The following SGCZ variants were observed in gnomAD, a reference collection of about 807,000 sequenced individuals.
The protein encoded by SGCZ is zeta-sarcoglycan.
In SGCZ, 40 loss-of-function variants were observed where a neutral mutation model predicts 41.3. That is an observed-to-expected ratio of 0.97 (90% CI 0.75 to 1.26). SGCZ has a LOEUF of 1.26. SGCZ is among the 50% of genes most tolerant of loss of function. The pLI is 0.00. For missense variants in SGCZ, 552 were observed against 369.8 expected, an observed-to-expected ratio of 1.49 and a Z score of -4.04; for synonymous variants, 206 against 137.5, an observed-to-expected ratio of 1.50 and a Z score of -3.49.
At chr8:14,251,096 T>C (rs1308524685) in intron 3 of SGCZ, among the ~76,000 whole-genome samples, 1 of 152,008 alleles carries the variant, frequency 6.6e-6, no homozygotes, top group Non-Finnish European at 1.5e-5. Context: ...GGTGCAGTGG[T>C]ACGCACCTTT....
At chr8:14,953,039 T>C (rs1382392977) in intron 1 of SGCZ, among the ~76,000 whole-genome samples, 1 of 152,110 alleles carries the variant, frequency 6.6e-6, no homozygotes, top group Non-Finnish European at 1.5e-5. Context: ...TGAATAAGCA[T>C]AGGCATACAC....
intron 1 of SGCZ, among the ~76,000 whole-genome samples, chr8:14,769,179 G>A (rs189026545): frequency 3.3e-5 from 5 of 152,140 alleles, no homozygotes; most frequent in Admixed American, 1.3e-4. Flanking sequence ...AAAACAGATG[G>A]AGAAAGACAA....
At chr8:15,173,780 C>T (rs573102972) in intron 1 of SGCZ, among the ~76,000 whole-genome samples, 2 of 152,236 alleles carry the variant, frequency 1.3e-5, no homozygotes, top group East Asian at 3.9e-4. Context: ...AGAGACACCA[C>T]CCAGGCTGAA....
intron 1 of SGCZ, among the ~76,000 whole-genome samples, chr8:14,621,295 G>A (rs56662221): frequency 8.9e-6 from 1 of 112,184 alleles, no homozygotes; most frequent in Admixed American, 1.2e-4. Context: ...TGTGGGGTGG[G>A]GGGAGGGGGG....
At chr8:14,395,422 G>C (rs1466885347) in intron 2 of SGCZ, among the ~76,000 whole-genome samples, 2 of 152,128 alleles carry the variant, frequency 1.3e-5, no homozygotes, top group Non-Finnish European at 2.9e-5. Context: ...GATTTAAAAA[G>C]AGACTATTGC....
chr8:14,462,744 T>C (rs1043431239), intron 2 of SGCZ, among the ~76,000 whole-genome samples: 6 of 151,764 alleles, frequency 4.0e-5, no homozygotes, highest in Non-Finnish European at 8.9e-5. Context: ...TTGTTTTCTA[T>C]TTATGCAAGA....
intron 1 of SGCZ, among the ~76,000 whole-genome samples, chr8:14,632,932 T>A (rs1585140787): frequency 6.6e-6 from 1 of 151,976 alleles, no homozygotes; most frequent in Non-Finnish European, 1.5e-5. Flanking sequence ...CAAACAGTGA[T>A]TCAATAATAA....
chr8:14,849,456 T>C (rs909499694), intron 1 of SGCZ, among the ~76,000 whole-genome samples: 4 of 152,134 alleles, frequency 2.6e-5, no homozygotes, highest in African/African-American at 9.7e-5. Flanking sequence ...TAGAATGGAA[T>C]ACTACTCATC....
chr8:15,236,993 A>C (rs1269395302), intron 1 of SGCZ, among the ~76,000 whole-genome samples: 1 of 152,142 alleles, frequency 6.6e-6, no homozygotes, highest in Non-Finnish European at 1.5e-5. Flanking sequence ...GTACCTCTCC[A>C]GCCCCTGCAC....
At chr8:14,584,322 G>T (rs1804990176) in intron 1 of SGCZ, among the ~76,000 whole-genome samples, 1 of 152,174 alleles carries the variant, frequency 6.6e-6, no homozygotes, top group Admixed American at 6.5e-5. Flanking sequence ...TGCAAATTAT[G>T]GTTGTGTGGT....
chr8:15,018,985 AGAG>A (rs1262984895), intron 1 of SGCZ, among the ~76,000 whole-genome samples: 1 of 152,216 alleles, frequency 6.6e-6, no homozygotes, highest in African/African-American at 2.4e-5. Flanking sequence ...CCGGAGCAGG[AGAG>A]GAGATCAAAG....
chr8:14,268,851 G>T lies in SGCZ; in HGVS notation c.337-31172C>A, dbSNP rs566970248. ...TGAATTCTTGAAGTATGTTAAAAAC[G>T]TATTAGAATGTATCTTGACTATAAC... On this transcript the variant is annotated intron_variant, in intron 3 of 7. Coordinates refer to ENST00000382080, the MANE Select transcript of SGCZ (RefSeq NM_139167.4). Among the ~76,000 whole-genome samples the T allele has an allele frequency of 7.9e-5, 12 of 151,642 alleles. No individual in the cohort carries two copies. In the East Asian group the frequency reaches 2.3e-3, roughly 29 times the overall value.
chr8:14,691,404 C>G (rs1808793451), intron 1 of SGCZ, among the ~76,000 whole-genome samples: 1 of 151,966 alleles, frequency 6.6e-6, no homozygotes, highest in Admixed American at 6.6e-5. Flanking sequence ...AACAAACAAA[C>G]TGTAAATGAG....
At chr8:14,365,231 A>G (rs1439741293) in intron 2 of SGCZ, among the ~76,000 whole-genome samples, 1 of 152,064 alleles carries the variant, frequency 6.6e-6, no homozygotes, top group Non-Finnish European at 1.5e-5. Context: ...CATTTTAAAA[A>G]TGCATTTATT....
chr8:14,824,661 G>A (rs556939608), intron 1 of SGCZ, among the ~76,000 whole-genome samples: 5 of 151,996 alleles, frequency 3.3e-5, no homozygotes, highest in African/African-American at 1.2e-4. Context: ...ATCTAAATAT[G>A]AATTAATCCT....
intron 1 of SGCZ, among the ~76,000 whole-genome samples, chr8:15,031,353 G>A (rs545388272): frequency 1.3e-5 from 2 of 152,232 alleles, no homozygotes; most frequent in South Asian, 2.1e-4. Context: ...GACTAGTAGT[G>A]TCTGCCACTC....
At chr8:15,008,048 T>G (rs185635015) in intron 1 of SGCZ, among the ~76,000 whole-genome samples, 15 of 152,316 alleles carry the variant, frequency 9.8e-5, no homozygotes, top group African/African-American at 3.6e-4. Flanking sequence ...CTGTATTTTC[T>G]GATTTTCTAT....
intron 4 of SGCZ, among the ~76,000 whole-genome samples, chr8:14,182,506 C>T (rs1474499790): frequency 6.6e-6 from 1 of 152,186 alleles, no homozygotes; most frequent in Non-Finnish European, 1.5e-5. Context: ...CTCATCTACT[C>T]ATCCAGCTGG....
intron 1 of SGCZ, among the ~76,000 whole-genome samples, chr8:15,223,575 T>A (rs1047949641): frequency 4.6e-5 from 7 of 152,222 alleles, no homozygotes; most frequent in Non-Finnish European, 1.0e-4. Flanking sequence ...ATGGTGCTAT[T>A]TCCACCAATT....
Sources: gnomAD v4.1 joint callset for allele counts (sites outside exome capture counted in the v4.1 genomes callset) on GRCh38, gnomAD v4.1.1 for gene constraint, MANE v1.5 for transcripts, NCBI Gene and HGNC (gene_info 2026-07-23, HGNC 2026-07-21) for gene names.